The following ATP6V0E1 variants were observed in gnomAD, a reference collection of about 807,000 sequenced individuals.
ATP6V0E1 encodes the protein ATPase H+ transporting V0 subunit e1, also known as V-type proton ATPase subunit e 1.
ATP6V0E1 carries 4 observed loss-of-function variants against 11.6 expected under a neutral mutation model. That is an observed-to-expected ratio of 0.35 (90% CI 0.17 to 0.79). The LOEUF (loss-of-function observed/expected upper bound fraction) is 0.79, where lower values mean the gene tolerates loss of function less well. Ranked by LOEUF, ATP6V0E1 falls within the 30% of genes least tolerant of loss-of-function variation. The probability of loss-of-function intolerance (pLI) is 0.54; values close to 1 mark genes in which losing one functional copy is unlikely to be tolerated. For missense variants in ATP6V0E1, 105 were observed against 100.0 expected (o/e 1.05, Z -0.21); for synonymous variants, 36 against 34.8 (o/e 1.04, Z -0.13).
chr5:173,030,714 G>T (rs1235361045), intron 3 of ATP6V0E1, among the ~76,000 whole-genome samples: 2 of 151,826 alleles, frequency 1.3e-5, no homozygotes, highest in Admixed American at 1.3e-4. Flanking sequence ...GAGATTACAG[G>T]TGTGAGCCAC....
chr5:173,015,130 C>G (rs779009939), intron 2 of ATP6V0E1, among the ~76,000 whole-genome samples: 1 of 152,114 alleles, frequency 6.6e-6, no homozygotes, highest in Non-Finnish European at 1.5e-5. Flanking sequence ...TTAAAATATT[C>G]CAGAAGGTCA....
rs111438735 is a variant in ATP6V0E1 at position 173,020,210 on chromosome 5, C to T, written c.153-28C>T. The T allele has an allele frequency of 9.9e-5, 155 of 1,559,154 alleles. 1 individual carries two copies. Among genetic ancestry groups the T allele is most frequent in the South Asian group, 8.9e-4 (80 of 89,800 alleles). The stretch of plus-strand genomic sequence containing the variant: ...ATGTTCCAACATGATTTCACCGCTT[C>T]GTTGTTTCTCTCCCATCCTTCTTTT... On this transcript the variant is annotated intron_variant, in intron 2 of 3. Transcript: ENST00000519374.
Position 173,034,974 on chromosome 5 carries a change from T to A in ATP6V0E1, c.*612T>A, listed in dbSNP as rs1297064052. ...GCCTTTTTAAAAAATGATTTTGTAG[T>A]CTAAACTTAGGTTGAGTATATAAAC... is the stretch of plus-strand genomic sequence containing the variant. On this transcript the variant is annotated 3_prime_UTR_variant, in exon 4 of 4. Coordinates refer to ENST00000519374, the MANE Select transcript of ATP6V0E1 (RefSeq NM_003945.4). The A allele has an allele frequency of 1.3e-5, 2 of 153,652 alleles. No homozygotes were observed. Among genetic ancestry groups the A allele is most frequent in the Non-Finnish European group, 2.9e-5 (2 of 68,992 alleles). 9.5% of individuals were successfully genotyped at this position (153,652 alleles called of 1,614,324 possible). A position where few individuals can be genotyped will look rare whatever the true frequency, so the allele number is the denominator to read the frequency against.
At chr5:173,021,918 C>T (rs1372163113) in intron 3 of ATP6V0E1, among the ~76,000 whole-genome samples, 1 of 152,146 alleles carries the variant, frequency 6.6e-6, no homozygotes, top group African/African-American at 2.4e-5. Flanking sequence ...GCATGTAGTC[C>T]CAGCTACTCG....
intron 3 of ATP6V0E1, among the ~76,000 whole-genome samples, chr5:173,027,303 C>T (rs1342680679): frequency 2.8e-5 from 4 of 141,074 alleles, no homozygotes; most frequent in Non-Finnish European, 4.5e-5. Context: ...CTGGCTAACA[C>T]GGTGAAACCC....
intron 2 of ATP6V0E1, among the ~76,000 whole-genome samples, chr5:173,013,204 A>G (rs1756357093): frequency 1.3e-5 from 2 of 151,998 alleles, no homozygotes; most frequent in Admixed American, 1.3e-4. Flanking sequence ...AAAAAGGCAC[A>G]GTCAACAAAA....
At chr5:173,001,144 G>A (rs1401223004) in intron 2 of ATP6V0E1, among the ~76,000 whole-genome samples, 1 of 152,142 alleles carries the variant, frequency 6.6e-6, no homozygotes, top group Non-Finnish European at 1.5e-5. Flanking sequence ...TTTAGCATTA[G>A]TAGGCACTGG....
intron 3 of ATP6V0E1, among the ~76,000 whole-genome samples, chr5:173,025,502 T>C (rs35870023): frequency 7.5e-6 from 1 of 134,218 alleles, no homozygotes; most frequent in Non-Finnish European, 1.6e-5. Context: ...GTATATAAAA[T>C]ACTTTTTTTT....
At chr5:173,015,032 A>G (rs1359861143) in intron 2 of ATP6V0E1, among the ~76,000 whole-genome samples, 1 of 152,218 alleles carries the variant, frequency 6.6e-6, no homozygotes, top group Non-Finnish European at 1.5e-5. Context: ...CTTGTGTTGA[A>G]CTTAATCAGT....
chr5:173,023,835 ACT>A, intron 3 of ATP6V0E1, among the ~76,000 whole-genome samples: 1 of 151,938 alleles, frequency 6.6e-6, no homozygotes, highest in East Asian at 1.9e-4. Context: ...ACAAAGCAAG[ACT>A]CTGTCTCAAA....
intron 3 of ATP6V0E1, 79 bp from the exon 4 acceptor site, chr5:173,034,320 G>C (rs1756708165): frequency 2.9e-6 from 2 of 696,176 alleles, no homozygotes; most frequent in Non-Finnish European, 5.3e-6. Flanking sequence ...TGTTGGCTTG[G>C]TTAACTTTCT....
At chr5:172,984,754 T>C (rs1755855472) in intron 1 of ATP6V0E1, among the ~76,000 whole-genome samples, 1 of 152,220 alleles carries the variant, frequency 6.6e-6, no homozygotes, top group Non-Finnish European at 1.5e-5. Context: ...CTTTTGCTTC[T>C]CAGTCATTTT....
At chr5:173,002,160 G>A (rs1221022292) in intron 2 of ATP6V0E1, among the ~76,000 whole-genome samples, 1 of 152,124 alleles carries the variant, frequency 6.6e-6, no homozygotes, top group African/African-American at 2.4e-5. Context: ...AGACATATCA[G>A]TTCATCTGTA....
chr5:173,029,953 G>A (rs1756625181), intron 3 of ATP6V0E1, among the ~76,000 whole-genome samples: 1 of 152,084 alleles, frequency 6.6e-6, no homozygotes, highest in African/African-American at 2.4e-5. Flanking sequence ...GCTTTACTTG[G>A]TTTTTCCTGA....
chr5:173,031,257 T>A (rs1049182059), intron 3 of ATP6V0E1, among the ~76,000 whole-genome samples: 2 of 151,494 alleles, frequency 1.3e-5, no homozygotes, highest in Non-Finnish European at 2.9e-5. Flanking sequence ...TTTTTGTATT[T>A]TTTTTTTAGT....
At chr5:173,032,261 A>T (rs199942961) in intron 3 of ATP6V0E1, among the ~76,000 whole-genome samples, 4 of 114,682 alleles carry the variant, frequency 3.5e-5, no homozygotes, top group African/African-American at 1.5e-4. Flanking sequence ...TTATTTATTT[A>T]TTTATTTATT....
At chr5:173,003,615 G>A (rs1015277772) in intron 2 of ATP6V0E1, among the ~76,000 whole-genome samples, 2 of 152,142 alleles carry the variant, frequency 1.3e-5, no homozygotes, top group African/African-American at 4.8e-5. Flanking sequence ...TTGGTCTGAG[G>A]TGAAGAGAGG....
At chr5:173,029,134 T>C (rs1756604357) in intron 3 of ATP6V0E1, among the ~76,000 whole-genome samples, 1 of 152,194 alleles carries the variant, frequency 6.6e-6, no homozygotes, top group African/African-American at 2.4e-5. Flanking sequence ...CTAAAATACT[T>C]GAGTGCTTGT....
intron 3 of ATP6V0E1, among the ~76,000 whole-genome samples, chr5:173,030,239 C>A (rs532042934): frequency 6.6e-6 from 1 of 152,178 alleles, no homozygotes; most frequent in Non-Finnish European, 1.5e-5. Context: ...ATGCTTAACT[C>A]CTTGTATTTA....
Sources: allele counts gnomAD v4.1 joint callset (sites outside exome capture counted in the v4.1 genomes callset), GRCh38; gene constraint gnomAD v4.1.1; transcripts MANE v1.5; gene names NCBI Gene and HGNC (gene_info 2026-07-23, HGNC 2026-07-21).